Variants in NSD1 observed in about 807,000 individuals in gnomAD.
NSD1 encodes histone-lysine N-methyltransferase, H3 lysine-36 specific.
Under a neutral mutation model 242.7 loss-of-function variants are expected in NSD1, and 26 were observed. The observed-to-expected ratio is 0.11, with a 90% CI of 0.08 to 0.15. The LOEUF is 0.15. Ranked by LOEUF, NSD1 falls within the 10% of genes least tolerant of loss-of-function variation. The pLI is 1.00. For missense variants in NSD1, 2,495 were observed against 3,272.8 expected (o/e 0.76, Z 5.80); for synonymous variants, 1,106 against 1,178.1 (o/e 0.94, Z 1.25).
intron 2 of NSD1, among the ~76,000 whole-genome samples, chr5:177,161,684 T>C (rs542433279): frequency 0.026 from 3,834 of 147,336 alleles, 46 homozygotes; most frequent in African/African-American, 0.031. Flanking sequence ...TTCTTTCTTT[T>C]TTTTTTTTTT....
chr5:177,244,434 A>C (rs1766120473), intron 9 of NSD1, among the ~76,000 whole-genome samples, 164 bp downstream of exon 9: 1 of 152,220 alleles, frequency 6.6e-6, no homozygotes, highest in Admixed American at 6.5e-5. Flanking sequence ...AATATTGATA[A>C]ATTGAATATC....
At chr5:177,132,723 C>G (rs1344706349), upstream of NSD1, among the ~76,000 whole-genome samples, 1 of 151,828 alleles carries the variant, frequency 6.6e-6, no homozygotes, top group Non-Finnish European at 1.5e-5. This position sits in a 1 kb window ranked among gnomAD's most constrained non-coding sequence, Gnocchi z 7.5. Flanking sequence ...CACGGCCGGG[C>G]GAGCAGTGCC....
chr5:177,286,549 G>A (rs1039208801), intron 20 of NSD1, among the ~76,000 whole-genome samples: 2 of 152,204 alleles, frequency 1.3e-5, no homozygotes, highest in African/African-American at 4.8e-5. Context: ...CCTTGCAAAA[G>A]TGCTGTAAAG....
rs759805511 is a variant in NSD1, at chr5:177,294,365, C to T, written c.6997C>T (p.Pro2333Ser). The change falls in exon 23 of 23, where the codon CCC (proline) becomes TCC (serine). Residue 2333 changes from proline to serine, a missense_variant. This residue lies in a region of NSD1 where 475 missense variants were observed against 563.7 expected (regional missense o/e 0.84). Transcript: ENST00000439151. The stretch of plus-strand genomic sequence containing the variant: ...ACCAAGACCCCAGCTAAGCGACAAA[C>T]CCTCTCCAGTGACCAGCCCAAGCTC... ...AGPRPQLSDK[P>S]SPVTSPSSSP... 1 of 1,614,214 alleles carries T rather than the reference C, an allele frequency of 6.2e-7. No homozygotes were observed. The highest frequency in any genetic ancestry group is 8.5e-7 in the Non-Finnish European group (1 of 1,180,040).
intron 5 of NSD1, among the ~76,000 whole-genome samples, chr5:177,225,204 G>A (rs1764541333): frequency 6.6e-6 from 1 of 152,124 alleles, no homozygotes; most frequent in Admixed American, 6.6e-5. Flanking sequence ...CTTCAGTGGT[G>A]TGATCTCGGC....
At chr5:177,197,321 TA>T (rs1762175628) in intron 3 of NSD1, among the ~76,000 whole-genome samples, 1 of 148,456 alleles carries the variant, frequency 6.7e-6, no homozygotes, top group Non-Finnish European at 1.5e-5. Context: ...AAGAGATCAG[TA>T]ACAACTAATA....
intron 2 of NSD1, 63 bp from the exon 3 acceptor site, chr5:177,191,821 A>G: frequency 3.8e-6 from 6 of 1,562,218 alleles, no homozygotes; most frequent in African/African-American, 1.4e-5. Context: ...GCTAATAGGA[A>G]TGACAATAAT....
intron 2 of NSD1, among the ~76,000 whole-genome samples, chr5:177,147,341 A>G (rs930139150): frequency 2.0e-5 from 3 of 152,130 alleles, no homozygotes; most frequent in Non-Finnish European, 4.4e-5. Flanking sequence ...TCGTGAGCTC[A>G]AGCAATCCGC....
chr5:177,216,205 A>G (rs1036092340), intron 5 of NSD1, among the ~76,000 whole-genome samples: 7 of 152,230 alleles, frequency 4.6e-5, no homozygotes, highest in Non-Finnish European at 8.8e-5. Context: ...AAAATGAGGT[A>G]TAAGAGTTAT....
chr5:177,195,655 G>GA (rs1231133787), intron 3 of NSD1, among the ~76,000 whole-genome samples: 8 of 152,064 alleles, frequency 5.3e-5, no homozygotes, highest in Non-Finnish European at 1.5e-5. Flanking sequence ...TTTTTGTAGA[G>GA]ACAGGGTTTT....
intron 2 of NSD1, among the ~76,000 whole-genome samples, chr5:177,147,421 C>G (rs1409955827): frequency 6.6e-6 from 1 of 152,034 alleles, no homozygotes; most frequent in Non-Finnish European, 1.5e-5. Context: ...CCCTCCATCT[C>G]TAGCCTTTGT....
chr5:177,265,587 C>G (rs1757364656), intron 14 of NSD1: 1 of 1,287,672 alleles, frequency 7.8e-7, no homozygotes. Flanking sequence ...ATCCTGTAGT[C>G]TGTGGAGCAG....
At chr5:177,173,349 G>A (rs904035202) in intron 2 of NSD1, among the ~76,000 whole-genome samples, 2 of 150,552 alleles carry the variant, frequency 1.3e-5, no homozygotes, top group Admixed American at 1.3e-4. Flanking sequence ...ACTACAAGAA[G>A]TCTATTGGAA....
rs1765643133 is a variant in NSD1 at position 177,238,826 on chromosome 5, G to A, written c.4192+319G>A. On this transcript the variant is annotated intron_variant, in intron 7 of 22. Coordinates refer to ENST00000439151, the MANE Select transcript of NSD1 (RefSeq NM_022455.5). This position sits in a 1 kb window ranked among gnomAD's most constrained non-coding sequence, Gnocchi z 4.6. ...GGAGTACTGCACATTAGTGGAATAA[G>A]CACTATGCTTCAAGTGCTGGCTCCA... 6.6e-6 allele frequency among the ~76,000 whole-genome samples: 1 copy of A among 152,176 alleles called. No individual in the cohort carries two copies. The highest frequency in any genetic ancestry group is 1.5e-5 in the Non-Finnish European group (1 of 68,030).
At chr5:177,255,546 T>TAG (rs1163328775) in intron 12 of NSD1, among the ~76,000 whole-genome samples, 22 of 152,304 alleles carry the variant, frequency 1.4e-4, no homozygotes, top group African/African-American at 5.3e-4. Context: ...CACAGAGAGA[T>TAG]AGAGGTCTGT....
intron 11 of NSD1, 123 bp downstream of exon 11, chr5:177,248,447 T>C: frequency 1.6e-6 from 2 of 1,258,298 alleles, no homozygotes; most frequent in African/African-American, 3.0e-5. Context: ...TCCAGTGGAG[T>C]CACTTTCTTT....
chr5:177,142,768 A>C (rs979629264), intron 2 of NSD1, among the ~76,000 whole-genome samples: 3 of 152,054 alleles, frequency 2.0e-5, no homozygotes, highest in Non-Finnish European at 4.4e-5. Context: ...ATTACTTCCT[A>C]CTTCCAAAAT....
At chr5:177,226,037 T>A (rs1764603509) in intron 5 of NSD1, among the ~76,000 whole-genome samples, 1 of 152,038 alleles carries the variant, frequency 6.6e-6, no homozygotes, top group East Asian at 1.9e-4. Context: ...AGCAGCAGAG[T>A]GTGCCATAGT....
At chr5:177,180,684 A>G (rs990529258) in intron 2 of NSD1, among the ~76,000 whole-genome samples, 3 of 151,150 alleles carry the variant, frequency 2.0e-5, no homozygotes, top group African/African-American at 7.3e-5. Context: ...TATTTATTTT[A>G]TTTATTTGTT....
Sources: allele counts gnomAD v4.1 joint callset (sites outside exome capture counted in the v4.1 genomes callset), GRCh38; gene constraint gnomAD v4.1.1; regional missense constraint gnomAD v4.1.1; non-coding constraint Gnocchi (gnomAD v3.1); transcripts MANE v1.5; gene names NCBI Gene and HGNC (gene_info 2026-07-23, HGNC 2026-07-21).